The following SF3B3 variants were observed in gnomAD, a reference collection of about 807,000 sequenced individuals.
SF3B3 encodes splicing factor 3b subunit 3, also known as SAP 130.
In SF3B3, 33 loss-of-function variants were observed where a neutral mutation model predicts 139.2. The ratio of observed to expected loss-of-function variants is 0.24; its 90% CI spans 0.18 to 0.32. SF3B3 has a LOEUF of 0.32. Among genes scored for constraint, SF3B3 ranks in the 10% least tolerant of loss-of-function variants. SF3B3 has a pLI of 1.00. For missense variants in SF3B3, 818 were observed against 1,509.4 expected, an observed-to-expected ratio of 0.54 and a Z score of 7.59; for synonymous variants, 596 against 563.6, an observed-to-expected ratio of 1.06 and a Z score of -0.81.
intron 12 of SF3B3, 90 bp downstream of exon 12, chr16:70,554,687 C>G: frequency 7.6e-7 from 1 of 1,316,696 alleles, no homozygotes. Context: ...TGTCTCTTCA[C>G]CCTCACCTTC....
chr16:70,535,528 A>AG, intron 6 of SF3B3, 108 bp downstream of exon 6: 1 of 555,678 alleles, frequency 1.8e-6, no homozygotes, highest in East Asian at 3.1e-5. Context: ...TAAAAAAAAA[A>AG]TTCAGTGACC....
rs547965264 is a variant in SF3B3 at position 70,525,952 on chromosome 16, C to A, written c.-70-635C>A. On this transcript the variant is annotated intron_variant, in intron 1 of 25. Coordinates refer to ENST00000302516, the MANE Select transcript of SF3B3 (RefSeq NM_012426.5). ...CTCCAGCCTGGGCGACAGATTGAGA[C>A]GCCTCAAAAAAAAAAAAAAAAAAAA... Among the ~76,000 whole-genome samples the A allele has an allele frequency of 2.8e-3, 333 of 117,998 alleles. 3 individuals are homozygous for A. The highest frequency in any genetic ancestry group is 9.9e-3 in the African/African-American group (305 of 30,818). The allele number at this position is 117,998 out of a possible 152,430, so 77.4% of individuals were successfully genotyped here.
In SF3B3 at chr16:70,573,113, G is replaced by A. The variant is rs1567428495; in HGVS notation, c.*1300G>A. Reference sequence around the variant, plus strand: ...TCCTGACACTGTGACACTGTCTCCTGGAACTAAGTATCTCTTGAATCATGA... The same window carrying A: ...TCCTGACACTGTGACACTGTCTCCTAGAACTAAGTATCTCTTGAATCATGA... On this transcript the variant is annotated 3_prime_UTR_variant, in exon 26 of 26. Transcript: ENST00000302516. The A allele has an allele frequency of 6.6e-6, 1 of 152,182 alleles. No individual in the cohort carries two copies. The highest frequency in any genetic ancestry group is 1.5e-5 in the Non-Finnish European group (1 of 68,034). The allele number at this position is 152,182 out of a possible 1,614,324, so 9.4% of individuals were successfully genotyped here.
intron 9 of SF3B3, among the ~76,000 whole-genome samples, chr16:70,542,882 C>A (rs2050232977): frequency 6.6e-6 from 1 of 151,652 alleles, no homozygotes; most frequent in Non-Finnish European, 1.5e-5. Context: ...CCACCATGCC[C>A]AGCTAATTTT....
intron 2 of SF3B3, 64 bp from the exon 3 acceptor site, chr16:70,528,809 G>T (rs1047715759): frequency 4.2e-6 from 5 of 1,201,902 alleles, no homozygotes; most frequent in African/African-American, 3.0e-5. Flanking sequence ...GTAGAGACGG[G>T]GTTTCACCAT....
intron 5 of SF3B3, 151 bp downstream of exon 5, chr16:70,532,771 G>T: frequency 1.3e-6 from 1 of 746,280 alleles, no homozygotes. Flanking sequence ...TTCATGTGGT[G>T]GAGTGATTTT....
rs1200612403 is a variant in SF3B3 at position 70,568,420 on chromosome 16, C to G, written c.3090C>G (p.Pro1030=). The G allele has an allele frequency of 6.2e-7, 1 of 1,613,982 alleles. No individual in the cohort carries two copies. Among genetic ancestry groups the G allele is most frequent in the East Asian group, 2.2e-5 (1 of 44,884 alleles). The change falls in exon 22 of 26, where the codon CCC becomes CCG. Residue 1030 remains proline (P), a synonymous_variant. Coordinates refer to ENST00000302516, the MANE Select transcript of SF3B3 (RefSeq NM_012426.5). Reference sequence around the variant, plus strand: ...TCATCTTTGCTGATGATACCTACCCCCGATGGGTCACTACAGCCAGCCTCC... The same window carrying G: ...TCATCTTTGCTGATGATACCTACCCGCGATGGGTCACTACAGCCAGCCTCC... ...QLIIFADDTY[P]RWVTTASLLD...
intron 15 of SF3B3, among the ~76,000 whole-genome samples, chr16:70,558,890 C>G (rs946947963): frequency 3.9e-5 from 6 of 152,210 alleles, no homozygotes; most frequent in Non-Finnish European, 7.3e-5. Flanking sequence ...AGACACCATG[C>G]CTGGTCCTGT....
chr16:70,549,126 T>G (rs1408657412), intron 11 of SF3B3, among the ~76,000 whole-genome samples: 2 of 152,224 alleles, frequency 1.3e-5, no homozygotes, highest in African/African-American at 4.8e-5. Flanking sequence ...TTCCCTTGAT[T>G]CACATTGGAG....
intron 15 of SF3B3, among the ~76,000 whole-genome samples, chr16:70,559,886 G>A (rs1367268330): frequency 6.6e-6 from 1 of 150,984 alleles, no homozygotes; most frequent in Non-Finnish European, 1.5e-5. Flanking sequence ...ACAGATGTGA[G>A]CCACCTCACC....
rs1210058624 is a variant in SF3B3, at chr16:70,577,391, C to G, written c.*5578C>G. On this transcript the variant is annotated 3_prime_UTR_variant, in exon 26 of 26. Transcript: ENST00000302516. Reference sequence around the variant, plus strand: ...GTGGCTGTGCCCCCATCACCTCCACCCACTCTGCCCTCCCACTAGCTGCCC... The same window carrying G: ...GTGGCTGTGCCCCCATCACCTCCACGCACTCTGCCCTCCCACTAGCTGCCC... The G allele has an allele frequency of 1.3e-5, 2 of 152,388 alleles. No individual in the cohort carries two copies. Among genetic ancestry groups the G allele is most frequent in the Non-Finnish European group, 2.9e-5 (2 of 68,168 alleles). 9.4% of individuals were successfully genotyped at this position (152,388 alleles called of 1,614,324 possible).
At chr16:70,560,703 T>A in intron 16 of SF3B3, 112 bp downstream of exon 16, 1 of 1,262,518 alleles carries the variant, frequency 7.9e-7, no homozygotes, top group Non-Finnish European at 1.1e-6. Flanking sequence ...CCATCTTGAT[T>A]GGTTTCCTTC....
At chr16:70,541,905 T>A (rs1199355971) in intron 9 of SF3B3, 71 bp downstream of exon 9, 2 of 1,332,974 alleles carry the variant, frequency 1.5e-6, no homozygotes, top group Non-Finnish European at 2.1e-6. Flanking sequence ...AAGAAATAGC[T>A]TTATTAGTAT....
chr16:70,540,444 G>A (rs2050208944), intron 8 of SF3B3, among the ~76,000 whole-genome samples: 1 of 152,070 alleles, frequency 6.6e-6, no homozygotes, highest in East Asian at 1.9e-4. Context: ...GGATGCTGGA[G>A]TGCAGGGGTG....
chr16:70,530,075 G>A (rs936988471), intron 3 of SF3B3, among the ~76,000 whole-genome samples: 2 of 151,364 alleles, frequency 1.3e-5, no homozygotes, highest in Non-Finnish European at 2.9e-5. Flanking sequence ...GCAGTGAGCC[G>A]AGATAGCGCT....
Position 70,541,736 on chromosome 16 carries a change from C to A in SF3B3, c.1135C>A (p.Leu379Met). 1 of 1,614,094 alleles carries A rather than the reference C, an allele frequency of 6.2e-7. No homozygotes were observed. Among genetic ancestry groups the A allele is most frequent in the Non-Finnish European group, 8.5e-7 (1 of 1,179,958 alleles). Residue 379 changes from leucine to methionine, a missense_variant, in exon 9 of 26, where the codon CTG becomes ATG. Physicochemically the swap from Leu to Met is conservative, Grantham distance 15. Coordinates refer to ENST00000302516, the MANE Select transcript of SF3B3 (RefSeq NM_012426.5). ...EEPEFSSAMPLEEGDTFFFQP... is the reference protein window; with the variant it reads ...EEPEFSSAMPMEEGDTFFFQP... ...ACCTGAGTTTTCATCAGCCATGCCTCTGGAAGAAGGAGACACATTCTTTTT... is the reference window on the plus strand; with the variant it reads ...ACCTGAGTTTTCATCAGCCATGCCTATGGAAGAAGGAGACACATTCTTTTT...
At chr16:70,539,035 C>G in intron 7 of SF3B3, 69 bp from the exon 8 acceptor site, 1 of 1,097,332 alleles carries the variant, frequency 9.1e-7, no homozygotes, top group Non-Finnish European at 1.4e-6. Flanking sequence ...GCTACTCAGC[C>G]TGTGCTGTCT....
At chr16:70,540,944 A>T (rs939306511) in intron 8 of SF3B3, among the ~76,000 whole-genome samples, 2 of 152,018 alleles carry the variant, frequency 1.3e-5, no homozygotes, top group Non-Finnish European at 2.9e-5. Context: ...CCCATTTTTA[A>T]TTTTTTTGGG....
intron 10 of SF3B3, among the ~76,000 whole-genome samples, chr16:70,544,743 T>G (rs1264864709): frequency 6.6e-6 from 1 of 152,228 alleles, no homozygotes; most frequent in Non-Finnish European, 1.5e-5. Context: ...CAGGCTGGTG[T>G]GCAATGACAT....
Sources: allele counts gnomAD v4.1 joint callset (sites outside exome capture counted in the v4.1 genomes callset), GRCh38; gene constraint gnomAD v4.1.1; transcripts MANE v1.5; gene names NCBI Gene and HGNC (gene_info 2026-07-23, HGNC 2026-07-21).